COL4A4: variants seen among roughly 807,000 people sequenced by gnomAD.
The protein encoded by COL4A4 is collagen alpha-4(IV) chain.
Under a neutral mutation model 192.9 loss-of-function variants are expected in COL4A4, and 105 were observed. The ratio of observed to expected loss-of-function variants is 0.54; its 90% CI spans 0.46 to 0.64. COL4A4 has a LOEUF of 0.64. Among genes scored for constraint, COL4A4 ranks in the 30% least tolerant of loss-of-function variants. The pLI is 0.00. For synonymous variants in COL4A4, 762 were observed against 769.9 expected (o/e 0.99, Z 0.17); for missense variants, 1,967 against 2,169.3 (o/e 0.91, Z 1.85).
chr2:227,008,344 C>T (rs1483290654), intron 46 of COL4A4, 40 bp from the exon 47 acceptor site: 1 of 1,605,084 alleles, frequency 6.2e-7, no homozygotes, highest in East Asian at 2.2e-5. Flanking sequence ...TCCAAGCACC[C>T]CATGTAGGTG....
In COL4A4 at chr2:227,006,073, G is replaced by C. The variant is rs776695226; in HGVS notation, c.*1252C>G. 11 of 152,682 alleles carry C rather than the reference G, an allele frequency of 7.2e-5. No individual in the cohort carries two copies. The highest frequency in any genetic ancestry group is 2.1e-4 in the South Asian group (1 of 4,820). The allele number at this position is 152,682 out of a possible 1,614,324, so 9.5% of individuals were successfully genotyped here. On this transcript the variant is annotated 3_prime_UTR_variant, in exon 48 of 48. Transcript: ENST00000396625. ...GAATGTCTTTAAAATTGGCAAAATGGGATGCTCCTGTAACAGCCAACCACG... is the reference window on the plus strand; with the variant it reads ...GAATGTCTTTAAAATTGGCAAAATGCGATGCTCCTGTAACAGCCAACCACG...
intron 4 of COL4A4, among the ~76,000 whole-genome samples, chr2:227,135,087 C>A (rs1202952880): frequency 6.6e-6 from 1 of 152,204 alleles, no homozygotes; most frequent in African/African-American, 2.4e-5. Flanking sequence ...TGATATACCT[C>A]ATTCACACCC....
chr2:227,038,762 G>A (rs1236619960), intron 37 of COL4A4, among the ~76,000 whole-genome samples: 1 of 152,202 alleles, frequency 6.6e-6, no homozygotes, highest in Non-Finnish European at 1.5e-5. Flanking sequence ...AAGATAATCA[G>A]TCCCCTTGAC....
At chr2:227,091,901 A>T (rs2059952429) in intron 20 of COL4A4, among the ~76,000 whole-genome samples, 1 of 74,198 alleles carries the variant, frequency 1.3e-5, no homozygotes, top group Non-Finnish European at 2.5e-5. Context: ...CTCAGGAAGA[A>T]AAAAGAAAGA....
intron 20 of COL4A4, among the ~76,000 whole-genome samples, chr2:227,091,277 T>C (rs997794490): frequency 2.8e-4 from 42 of 151,544 alleles, no homozygotes; most frequent in African/African-American, 9.9e-4. Flanking sequence ...GATATAGATA[T>C]AGATATAGAT....
intron 16 of COL4A4, 36 bp from the exon 17 acceptor site, chr2:227,101,593 A>AC: frequency 6.3e-7 from 1 of 1,579,692 alleles, no homozygotes; most frequent in Non-Finnish European, 8.7e-7. Context: ...AAAAAAAAAA[A>AC]GTGACTGGGT....
chr2:226,980,823 G>A, the COL4A4 span, among the ~76,000 whole-genome samples: 3 of 151,994 alleles, frequency 2.0e-5, no homozygotes, highest in Non-Finnish European at 4.4e-5. Context: ...TTTAGTTCTG[G>A]AGTTTTCTTT....
At chr2:227,154,880 G>C (rs1239293086) in intron 1 of COL4A4, among the ~76,000 whole-genome samples, 1 of 152,118 alleles carries the variant, frequency 6.6e-6, no homozygotes, top group East Asian at 1.9e-4. Flanking sequence ...CAACATACAA[G>C]CTGGTTACTT....
Position 227,027,673 on chromosome 2 carries a change from TA to T in COL4A4, c.4081+228del, listed in dbSNP as rs1312986990. On this transcript the variant is annotated intron_variant, in intron 42 of 47. Coordinates refer to ENST00000396625, the MANE Select transcript of COL4A4 (RefSeq NM_000092.5). ...TATAGAAAAAAATTAAAAAATAAAG[TA>T]AAAAAAAATCAACTCCTAATTTTCA... Among the ~76,000 whole-genome samples the T allele has an allele frequency of 7.4e-5, 11 of 148,074 alleles. No homozygotes were observed. In the East Asian group the frequency reaches 7.8e-4, roughly 10 times the overall value.
intron 25 of COL4A4, among the ~76,000 whole-genome samples, chr2:227,070,738 AG>A (rs1314443213): frequency 6.0e-4 from 17 of 28,168 alleles, no homozygotes; most frequent in Non-Finnish European, 1.3e-3. Context: ...GGGAGGGGGG[AG>A]GGGGGAGGAT....
intron 25 of COL4A4, among the ~76,000 whole-genome samples, chr2:227,072,927 A>T (rs1439009826): frequency 6.6e-6 from 1 of 152,104 alleles, no homozygotes; most frequent in Non-Finnish European, 1.5e-5. Flanking sequence ...TGACAAACCC[A>T]CAGATAACAT....
chr2:227,104,871 C>G (rs1486622844), intron 12 of COL4A4, among the ~76,000 whole-genome samples: 1 of 151,354 alleles, frequency 6.6e-6, no homozygotes, highest in Non-Finnish European at 1.5e-5. Context: ...GAACTCCGGA[C>G]CTCAGGTGAT....
At chr2:227,135,646 T>A (rs2062763263) in intron 4 of COL4A4, among the ~76,000 whole-genome samples, 1 of 151,164 alleles carries the variant, frequency 6.6e-6, no homozygotes, top group African/African-American at 2.4e-5. Flanking sequence ...GGAATCTATT[T>A]TTTTTTTTCT....
At chr2:227,029,278 G>T (rs978522760) in intron 41 of COL4A4, among the ~76,000 whole-genome samples, 2 of 152,180 alleles carry the variant, frequency 1.3e-5, no homozygotes, top group Admixed American at 1.3e-4. Flanking sequence ...CTAAGGAGGA[G>T]GAGTGTTAGC....
Position 227,103,187 on chromosome 2 carries a change from C to T in COL4A4, c.827G>A (p.Gly276Glu). 6.2e-7 allele frequency: 1 copy of T among 1,611,918 alleles called. No individual in the cohort carries two copies. The highest frequency in any genetic ancestry group is 8.5e-7 in the Non-Finnish European group (1 of 1,178,826). ...TGGCAGTCCAACCATTCCAGGAATT[C>T]CTTTTATACCCTAAAAATTACAATG... ...CLYKGEKGIK[G>E]IPGMVGLPGP... The change falls in exon 14 of 48, where the codon GGA (glycine) becomes GAA (glutamate). Residue 276 changes from glycine (G) to glutamate (E), a missense_variant. Coordinates refer to ENST00000396625, the MANE Select transcript of COL4A4 (RefSeq NM_000092.5).
In COL4A4 at chr2:227,007,552, G is replaced by C; in HGVS notation, c.4846C>G (p.Leu1616Val). The part of the protein sequence containing the change: ...GAGDQGGGQA[L>V]MSPGSCLEDF... The stretch of plus-strand genomic sequence containing the variant: ...TCCAGGCAGCTGCCAGGTGACATAA[G>C]GGCCTGCCCTCCTCCTTGGTCCCCA... The change falls in exon 48 of 48, where the codon CTT (leucine) becomes GTT (valine). Residue 1616 changes from leucine (L) to valine (V), a missense_variant. Coordinates refer to ENST00000396625, the MANE Select transcript of COL4A4 (RefSeq NM_000092.5). The C allele has an allele frequency of 6.2e-7, 1 of 1,612,968 alleles. No homozygotes were observed. Among genetic ancestry groups the C allele is most frequent in the Non-Finnish European group, 8.5e-7 (1 of 1,180,034 alleles).
rs372841765 is a variant in COL4A4, at chr2:227,094,248, G to C, written c.1246C>G (p.Pro416Ala). The change falls in exon 20 of 48, where the codon CCT becomes GCT. Residue 416 changes from proline to alanine, a missense_variant. Physicochemically the swap from Pro to Ala is conservative, Grantham distance 27. Coordinates refer to ENST00000396625, the MANE Select transcript of COL4A4 (RefSeq NM_000092.5). ...PPGPQGFPGL[P>A]GLPGEAGIPG... ...ATACCAGCTTCTCCTGGAAGCCCAG[G>C]AAGACCAGGAAATCCTTGTGGCCCA... 3.1e-5 allele frequency: 50 copies of C among 1,613,880 alleles called. No individual in the cohort carries two copies. The African/African-American group carries it at 6.0e-4, about 19-fold the overall frequency.
rs533469199 is a variant in COL4A4 at position 227,051,075 on chromosome 2, C to G, written c.3052G>C (p.Gly1018Arg). ...GPPGFHRGEP[G>R]EKGQPGPPGP... ...GGAGGCCCTGGCTGACCTTTCTCAC[C>G]AGGTTCCCCTCTGTGAAATCCAGGT... The change falls in exon 33 of 48, where the codon GGT (glycine) becomes CGT (arginine). Residue 1018 changes from glycine (G) to arginine (R), a missense_variant. Coordinates refer to ENST00000396625, the MANE Select transcript of COL4A4 (RefSeq NM_000092.5). 37 of 1,614,062 alleles carry G rather than the reference C, an allele frequency of 2.3e-5. No homozygotes were observed. Among genetic ancestry groups the G allele is most frequent in the Non-Finnish European group, 3.1e-5 (37 of 1,180,044 alleles).
chr2:227,051,875 T>G (rs1330289481), intron 32 of COL4A4, among the ~76,000 whole-genome samples: 2 of 152,144 alleles, frequency 1.3e-5, no homozygotes, highest in Non-Finnish European at 2.9e-5. Flanking sequence ...ACCACAAGGT[T>G]TATTTGTGTT....
Sources: allele counts gnomAD v4.1 joint callset (sites outside exome capture counted in the v4.1 genomes callset), GRCh38; gene constraint gnomAD v4.1.1; transcripts MANE v1.5; gene names NCBI Gene and HGNC (gene_info 2026-07-23, HGNC 2026-07-21).